CCDC178: variants seen among roughly 807,000 people sequenced by gnomAD.
CCDC178 encodes coiled-coil domain containing 178, also known as coiled-coil domain-containing protein 178.
CCDC178 carries 126 observed loss-of-function variants against 117.4 expected under a neutral mutation model. The ratio of observed to expected loss-of-function variants is 1.07; its 90% CI spans 0.93 to 1.24. The LOEUF is 1.24. Ranked by LOEUF, CCDC178 falls within the 50% of genes most tolerant of loss-of-function variation. The pLI is 0.00. For missense variants in CCDC178, 1,030 were observed against 986.9 expected, an observed-to-expected ratio of 1.04 and a Z score of -0.59; for synonymous variants, 283 against 313.4, an observed-to-expected ratio of 0.90 and a Z score of 1.02.
At chr18:33,428,533 A>T (rs1292062779) in intron 2 of CCDC178, among the ~76,000 whole-genome samples, 2 of 151,908 alleles carry the variant, frequency 1.3e-5, no homozygotes, top group Non-Finnish European at 2.9e-5. Flanking sequence ...AGAGATCAAG[A>T]CCATGCTGGC....
intron 15 of CCDC178, among the ~76,000 whole-genome samples, chr18:33,243,456 C>T (rs1316850048): frequency 6.6e-6 from 1 of 151,678 alleles, no homozygotes; most frequent in Non-Finnish European, 1.5e-5. Flanking sequence ...GTTAATTACC[C>T]TAATCTGATC....
intron 20 of CCDC178, among the ~76,000 whole-genome samples, chr18:33,122,919 G>A (rs533754709): frequency 6.6e-5 from 10 of 152,098 alleles, no homozygotes; most frequent in African/African-American, 1.7e-4. Context: ...CATAGGTACC[G>A]GCTACAGAAA....
At position 33,213,057 on chromosome 18, in the gene CCDC178, C is replaced by T. The variant is rs1022903094; in HGVS notation, c.2079-1002G>A. Among the ~76,000 whole-genome samples the T allele has an allele frequency of 2.6e-5, 4 of 151,652 alleles. No homozygotes were observed. The East Asian group carries it at 7.8e-4, about 30-fold the overall frequency. ...GGGAAGGACTAAACTAATATCTCTGCTTTTAAATAATATCCCATTTAATAC... is the reference window on the plus strand; with the variant it reads ...GGGAAGGACTAAACTAATATCTCTGTTTTTAAATAATATCCCATTTAATAC... On this transcript the variant is annotated intron_variant, in intron 19 of 22. Coordinates refer to ENST00000383096, the MANE Select transcript of CCDC178 (RefSeq NM_001105528.4).
At chr18:33,022,878 GAAGTA>G (rs1347983548) in intron 21 of CCDC178, among the ~76,000 whole-genome samples, 2 of 152,010 alleles carry the variant, frequency 1.3e-5, no homozygotes, top group Non-Finnish European at 2.9e-5. Context: ...AGGGGGGCTG[GAAGTA>G]AAGGATGAAA....
At chr18:33,294,226 A>G (rs1599118488) in intron 11 of CCDC178, among the ~76,000 whole-genome samples, 1 of 152,302 alleles carries the variant, frequency 6.6e-6, no homozygotes, top group East Asian at 1.9e-4. Context: ...ATCTTCAGAT[A>G]CTGTTATGGT....
At chr18:33,207,974 G>A (rs2059065732) in intron 20 of CCDC178, among the ~76,000 whole-genome samples, 1 of 151,898 alleles carries the variant, frequency 6.6e-6, no homozygotes, top group East Asian at 1.9e-4. Context: ...TGTGATCATT[G>A]AAGCACCGGA....
intron 22 of CCDC178, among the ~76,000 whole-genome samples, chr18:32,966,886 A>C (rs1445608856): frequency 6.6e-6 from 1 of 151,838 alleles, no homozygotes; most frequent in Non-Finnish European, 1.5e-5. Context: ...AGATTGAGCT[A>C]AATTTTTGTT....
intron 7 of CCDC178, among the ~76,000 whole-genome samples, chr18:33,353,862 TGTA>T (rs2063013598): frequency 1.3e-5 from 2 of 152,182 alleles, no homozygotes; most frequent in African/African-American, 4.8e-5. Flanking sequence ...TACTTACCTT[TGTA>T]GTTACCTTTA....
chr18:33,401,693 T>A (rs1460340936), intron 3 of CCDC178, among the ~76,000 whole-genome samples: 1 of 152,062 alleles, frequency 6.6e-6, no homozygotes, highest in African/African-American at 2.4e-5. Context: ...AACAATATAT[T>A]AAAAATGATA....
At chr18:33,306,605 TTTATATATATATGG>T (rs1025222056) in intron 11 of CCDC178, among the ~76,000 whole-genome samples, 7 of 132,302 alleles carry the variant, frequency 5.3e-5, no homozygotes, top group African/African-American at 2.0e-4. Context: ...TATATGGTTT[TTTATATATATATGG>T]TTATATATAT....
chr18:33,155,954 G>A (rs1037078787), intron 20 of CCDC178, among the ~76,000 whole-genome samples: 1 of 151,490 alleles, frequency 6.6e-6, no homozygotes, highest in Non-Finnish European at 1.5e-5. Flanking sequence ...CTGAAAATGA[G>A]GGAGTTTAAC....
chr18:33,265,413 G>A (rs1269570813), intron 14 of CCDC178, among the ~76,000 whole-genome samples: 1 of 152,024 alleles, frequency 6.6e-6, no homozygotes, highest in Non-Finnish European at 1.5e-5. Flanking sequence ...AAAAAGAGAG[G>A]CATGTGTATC....
At position 33,166,753 on chromosome 18, in the gene CCDC178, T is replaced by C. The variant is rs78191349; in HGVS notation, c.2238+45143A>G. Among the ~76,000 whole-genome samples the C allele has an allele frequency of 3.3e-5, 5 of 152,328 alleles. No individual in the cohort carries two copies. The East Asian group carries it at 9.6e-4, about 29-fold the overall frequency. On this transcript the variant is annotated intron_variant, in intron 20 of 22. Coordinates refer to ENST00000383096, the MANE Select transcript of CCDC178 (RefSeq NM_001105528.4). ...ACTACGCTGGCCTGTAGCTGACTTT[T>C]ACGTAAAAATTCATACTGGTCTGAT...
chr18:33,236,419 A>G (rs894535735), intron 15 of CCDC178, among the ~76,000 whole-genome samples: 6 of 152,160 alleles, frequency 3.9e-5, no homozygotes, highest in Admixed American at 1.3e-4. Context: ...ATGCATGTGT[A>G]TATTATAGAA....
chr18:33,367,378 T>C (rs1228216812), intron 6 of CCDC178, among the ~76,000 whole-genome samples: 1 of 152,108 alleles, frequency 6.6e-6, no homozygotes, highest in Non-Finnish European at 1.5e-5. Flanking sequence ...ATGATCTTTA[T>C]TTACTTATTT....
At chr18:33,073,441 T>A (rs2145004458) in intron 21 of CCDC178, among the ~76,000 whole-genome samples, 1 of 152,244 alleles carries the variant, frequency 6.6e-6, no homozygotes, top group South Asian at 2.1e-4. Flanking sequence ...CTCAGACAAT[T>A]CTGTATTACT....
At chr18:33,068,085 C>T (rs2057048672) in intron 21 of CCDC178, among the ~76,000 whole-genome samples, 1 of 151,808 alleles carries the variant, frequency 6.6e-6, no homozygotes, top group African/African-American at 2.4e-5. Flanking sequence ...TGAATGAATT[C>T]CTGGACACAT....
At chr18:33,078,530 A>G (rs2057247399) in intron 21 of CCDC178, among the ~76,000 whole-genome samples, 1 of 152,174 alleles carries the variant, frequency 6.6e-6, no homozygotes, top group African/African-American at 2.4e-5. Flanking sequence ...TATTTAGGAA[A>G]CCCCGTAGTC....
At chr18:32,980,542 G>T (rs1387058329) in intron 21 of CCDC178, among the ~76,000 whole-genome samples, 1 of 118,310 alleles carries the variant, frequency 8.5e-6, no homozygotes, top group Admixed American at 1.3e-4. Context: ...CAGCACTCCC[G>T]CCTGGGCGAC....
Sources: allele counts gnomAD v4.1 joint callset (sites outside exome capture counted in the v4.1 genomes callset), GRCh38; gene constraint gnomAD v4.1.1; transcripts MANE v1.5; gene names NCBI Gene and HGNC (gene_info 2026-07-23, HGNC 2026-07-21).